Variants in MRPL42 observed in about 807,000 individuals in gnomAD.
The protein encoded by MRPL42 is mitochondrial ribosomal protein L42.
A neutral mutation model predicts 17.9 loss-of-function variants in MRPL42; 17 were observed. The observed-to-expected ratio is 0.95, with a 90% CI of 0.65 to 1.42. The LOEUF is 1.42. MRPL42 is among the 40% of genes most tolerant of loss of function. MRPL42 has a pLI of 0.00. For synonymous variants in MRPL42, 59 were observed against 54.4 expected, an observed-to-expected ratio of 1.08 and a Z score of -0.37; for missense variants, 177 against 175.2, an observed-to-expected ratio of 1.01 and a Z score of -0.06.
intron 4 of MRPL42, among the ~76,000 whole-genome samples, chr12:93,484,990 A>ACACACACATATATC (rs1880653802): frequency 4.7e-5 from 1 of 21,404 alleles, no homozygotes; most frequent in Non-Finnish European, 7.9e-5. Flanking sequence ...ATATATATAT[A>ACACACACATATATC]TATATATATA....
Position 93,515,440 on chromosome 12 carries a change from C to G in MRPL42, c.*14219C>G, listed in dbSNP as rs1953770723. The stretch of plus-strand genomic sequence containing the variant: ...CTGGAGTGCAGTGGGGTGATCTCGG[C>G]TCACTGCAACCTCTGCCTCCTGGAT... On this transcript the variant is annotated 3_prime_UTR_variant, in exon 6 of 6. Transcript: ENST00000549982. The G allele has an allele frequency of 1.3e-5, 2 of 149,836 alleles. No homozygotes were observed. The highest frequency in any genetic ancestry group is 6.7e-5 in the Admixed American group (1 of 14,948). 9.3% of individuals were successfully genotyped at this position (149,836 alleles called of 1,614,324 possible). A position where few individuals can be genotyped will look rare whatever the true frequency, so the allele number is the denominator to read the frequency against.
Position 93,507,710 on chromosome 12 carries a change from CAT to C in MRPL42, c.*6492_*6493del, listed in dbSNP as rs1953685636. The C allele has an allele frequency of 6.6e-6, 1 of 152,260 alleles. No individual in the cohort carries two copies. Among genetic ancestry groups the C allele is most frequent in the African/African-American group, 2.4e-5 (1 of 41,452 alleles). The allele number at this position is 152,260 out of a possible 1,614,324, so 9.4% of individuals were successfully genotyped here. ...CTGGCTAGTCCTAGATGGTGTCACT[CAT>C]ATGTCTGGTATTGAGTGACTGTCAC... On this transcript the variant is annotated 3_prime_UTR_variant, in exon 6 of 6. Coordinates refer to ENST00000549982, the MANE Select transcript of MRPL42 (RefSeq NM_014050.4).
chr12:93,490,984 G>A (rs1259427887), intron 5 of MRPL42, among the ~76,000 whole-genome samples: 1 of 152,070 alleles, frequency 6.6e-6, no homozygotes, highest in African/African-American at 2.4e-5. Context: ...TCCGCCTCCC[G>A]GATTCAAGCG....
intron 5 of MRPL42, 65 bp downstream of exon 5, chr12:93,487,725 G>A: frequency 7.3e-7 from 1 of 1,378,646 alleles, no homozygotes; most frequent in Non-Finnish European, 9.8e-7. Flanking sequence ...GGATTTTCTT[G>A]CAATAACAAA....
chr12:93,511,533 A>G lies in MRPL42; in HGVS notation c.*10312A>G, dbSNP rs1565823482. ...AAAGTACTTCAATTACCAGTTACCA[A>G]CACACAACAATTTGAAATATCCAGG... On this transcript the variant is annotated 3_prime_UTR_variant, in exon 6 of 6. Transcript: ENST00000549982. 1 of 152,212 alleles carries G rather than the reference A, an allele frequency of 6.6e-6. No homozygotes were observed. The highest frequency in any genetic ancestry group is 2.1e-4 in the South Asian group (1 of 4,836). 9.4% of individuals were successfully genotyped at this position (152,212 alleles called of 1,614,324 possible).
In MRPL42 at chr12:93,502,070, A is replaced by G. The variant is rs891009392; in HGVS notation, c.*849A>G. 5 of 152,194 alleles carry G rather than the reference A, an allele frequency of 3.3e-5. No individual in the cohort carries two copies. The highest frequency in any genetic ancestry group is 4.1e-4 in the South Asian group (2 of 4,832). The allele number at this position is 152,194 out of a possible 1,614,324, so 9.4% of individuals were successfully genotyped here. On this transcript the variant is annotated 3_prime_UTR_variant, in exon 6 of 6. Transcript: ENST00000549982. ...CTCCAAAGCTTTTTTTTAGTGCATC[A>G]CAATGACAAAGGGGTGGTTTTCTTT...
At chr12:93,474,106 A>G (rs1880042963) in intron 2 of MRPL42, among the ~76,000 whole-genome samples, 1 of 152,062 alleles carries the variant, frequency 6.6e-6, no homozygotes, top group African/African-American at 2.4e-5. Context: ...CTGTGTAAAC[A>G]CAGAGTAGAA....
chr12:93,482,752 A>AT lies in MRPL42; in HGVS notation c.219+3286dup, dbSNP rs574880041. On this transcript the variant is annotated intron_variant, in intron 4 of 5. Transcript: ENST00000549982. ...AGGCACACACCACCATGCCCAGCTAATTTTTTAAATTTTTGTAGAGACAGG... is the reference window on the plus strand; with the variant it reads ...AGGCACACACCACCATGCCCAGCTAATTTTTTTAAATTTTTGTAGAGACAGG... Among the ~76,000 whole-genome samples the AT allele has an allele frequency of 4.9e-4, 74 of 152,214 alleles. No homozygotes were observed. The East Asian group carries it at 0.013, about 27-fold the overall frequency.
chr12:93,473,259 T>C (rs1879991328), intron 2 of MRPL42, among the ~76,000 whole-genome samples: 1 of 152,144 alleles, frequency 6.6e-6, no homozygotes, highest in African/African-American at 2.4e-5. Context: ...AGGTAATGAA[T>C]GTTTCCTTAT....
In MRPL42 at chr12:93,505,491, T is replaced by C; in HGVS notation, c.*4270T>C. On this transcript the variant is annotated 3_prime_UTR_variant, in exon 6 of 6. Transcript: ENST00000549982. ...TAGGCAAAGGGAATGCTTCTTCAGA[T>C]TTTTTTTTTTCCCCAGAAGTTCAAA... The C allele has an allele frequency of 6.4e-5, 1 of 15,704 alleles. No homozygotes were observed. The highest frequency in any genetic ancestry group is 2.1e-4 in the African/African-American group (1 of 4,680). The allele number at this position is 15,704 out of a possible 1,614,324, so 1.0% of individuals were successfully genotyped here. A position where few individuals can be genotyped will look rare whatever the true frequency, so the allele number is the denominator to read the frequency against.
chr12:93,490,490 G>A (rs1428599992), intron 5 of MRPL42, among the ~76,000 whole-genome samples: 8 of 152,172 alleles, frequency 5.3e-5, no homozygotes, highest in African/African-American at 1.9e-4. Flanking sequence ...CCTTGTAGAT[G>A]TATCATCTTG....
At chr12:93,489,282 A>T (rs73367743) in intron 5 of MRPL42, among the ~76,000 whole-genome samples, 1,894 of 152,258 alleles carry the variant, frequency 0.012, 45 homozygotes, top group African/African-American at 0.043. Flanking sequence ...AGCATTTCGG[A>T]TAAAGTGTGT....
intron 4 of MRPL42, among the ~76,000 whole-genome samples, chr12:93,485,031 C>CAT: frequency 3.2e-5 from 1 of 30,782 alleles, no homozygotes; most frequent in Non-Finnish European, 8.7e-5. Flanking sequence ...TATATATAAA[C>CAT]AGAGATGGGG....
At chr12:93,488,652 G>A (rs1953356919) in intron 5 of MRPL42, among the ~76,000 whole-genome samples, 1 of 151,998 alleles carries the variant, frequency 6.6e-6, no homozygotes, top group African/African-American at 2.4e-5. Context: ...GAAAATGATT[G>A]GGCAGCGTAT....
At position 93,479,389 on chromosome 12, in the gene MRPL42, A is replaced by G. The variant is rs926561677; in HGVS notation, c.136A>G (p.Asn46Asp). ...TTTCTAAAACATTCTTTTTTTTAGC[A>G]ACGTAGAGCTTGCTCTGACTTCTGA... ...YSPLPDDYNC[N>D]VELALTSDGR... is the part of the protein sequence containing the mutation. The change falls in exon 4 of 6, where the codon AAC (asparagine) becomes GAC (aspartate). Residue 46 changes from asparagine to aspartate, a missense_variant and splice_region_variant. By Grantham distance (23) the Asn-to-Asp change is conservative. Coordinates refer to ENST00000549982, the MANE Select transcript of MRPL42 (RefSeq NM_014050.4). 3.7e-5 allele frequency: 60 copies of G among 1,603,788 alleles called. No individual in the cohort carries two copies. Among genetic ancestry groups the G allele is most frequent in the Non-Finnish European group, 5.0e-5 (59 of 1,175,478 alleles).
In MRPL42 at chr12:93,509,772, GAA is replaced by G. The variant is rs35971605; in HGVS notation, c.*8564_*8565del. ...CAACATAGTGAGATCCTCATCTCCT[GAA>G]AAAAAAAAAAAACTTTAGTTTTTAA... On this transcript the variant is annotated 3_prime_UTR_variant, in exon 6 of 6. Coordinates refer to ENST00000549982, the MANE Select transcript of MRPL42 (RefSeq NM_014050.4). 50 of 139,240 alleles carry G rather than the reference GAA, an allele frequency of 3.6e-4. 1 individual carries two copies. Among genetic ancestry groups the G allele is most frequent in the South Asian group, 2.8e-3 (12 of 4,332 alleles). The allele number at this position is 139,240 out of a possible 1,614,324, so 8.6% of individuals were successfully genotyped here.
chr12:93,468,205 C>T (rs1879733849), intron 1 of MRPL42, among the ~76,000 whole-genome samples: 1 of 152,124 alleles, frequency 6.6e-6, no homozygotes, highest in African/African-American at 2.4e-5. Context: ...CCTATGAGCT[C>T]AGGGTTAACG....
chr12:93,484,571 C>T (rs889214692), intron 4 of MRPL42, among the ~76,000 whole-genome samples: 1 of 152,036 alleles, frequency 6.6e-6, no homozygotes, highest in Non-Finnish European at 1.5e-5. Context: ...GTAGTATACA[C>T]TGTCCTTCAT....
intron 5 of MRPL42, among the ~76,000 whole-genome samples, chr12:93,499,426 C>G (rs1298770165): frequency 1.3e-5 from 2 of 152,072 alleles, no homozygotes. Flanking sequence ...AGTTTTGAAT[C>G]CACTGCCCAG....
Sources: allele counts gnomAD v4.1 joint callset (sites outside exome capture counted in the v4.1 genomes callset), GRCh38; gene constraint gnomAD v4.1.1; transcripts MANE v1.5; gene names NCBI Gene and HGNC (gene_info 2026-07-23, HGNC 2026-07-21).